HIRA: variants seen among roughly 807,000 people sequenced by gnomAD.
HIRA encodes the protein protein HIRA.
In HIRA, 13 loss-of-function variants were observed where a neutral mutation model predicts 126.6. The ratio of observed to expected loss-of-function variants is 0.10; its 90% CI spans 0.07 to 0.16. HIRA has a LOEUF of 0.16. HIRA is among the 10% of genes least tolerant of loss of function. The probability of loss-of-function intolerance (pLI) is 1.00; values close to 1 mark genes in which losing one functional copy is unlikely to be tolerated. For synonymous variants in HIRA, 511 were observed against 520.0 expected, an observed-to-expected ratio of 0.98 and a Z score of 0.24; for missense variants, 834 against 1,314.4, an observed-to-expected ratio of 0.63 and a Z score of 5.65.
At chr22:19,383,149 A>G (rs766901548) in intron 13 of HIRA, among the ~76,000 whole-genome samples, 2 of 152,034 alleles carry the variant, frequency 1.3e-5, no homozygotes, top group Non-Finnish European at 2.9e-5. Flanking sequence ...ACGAGTGGGG[A>G]AAAAAAAGAC....
intron 1 of HIRA, among the ~76,000 whole-genome samples, chr22:19,413,048 C>G (rs2089366445): frequency 6.6e-6 from 1 of 152,010 alleles, no homozygotes; most frequent in Non-Finnish European, 1.5e-5. Context: ...GGTTTTCAGG[C>G]TGAGGGGACG....
At chr22:19,402,985 C>CCTAGCTA (rs1327460658) in intron 5 of HIRA, among the ~76,000 whole-genome samples, 2 of 151,754 alleles carry the variant, frequency 1.3e-5, no homozygotes, top group Non-Finnish European at 2.9e-5. Flanking sequence ...CATCTGTAGT[C>CCTAGCTA]CTAGCTACTC....
At chr22:19,419,481 CTTTAA>C (rs2089426429) in intron 1 of HIRA, among the ~76,000 whole-genome samples, 1 of 152,174 alleles carries the variant, frequency 6.6e-6, no homozygotes, top group Non-Finnish European at 1.5e-5. Context: ...ACTCTAACAA[CTTTAA>C]TTTAAAGGAT....
At chr22:19,431,369 G>T in intron 1 of HIRA, 71 bp downstream of exon 1, 3 of 1,528,702 alleles carry the variant, frequency 2.0e-6, no homozygotes, top group Non-Finnish European at 9.0e-7. Context: ...GGACTTGCGC[G>T]CGCCCCGACT....
rs748483384 is a variant in HIRA at position 19,387,662 on chromosome 22, T to C, written c.1113+49A>G. ...AGTCAAAGGGGTCTCTCAGAGCTAT[T>C]GTGGCAATGGCCACAGAGCACCCAG... is the stretch of plus-strand genomic sequence containing the variant. On this transcript the variant is annotated intron_variant, in intron 11 of 24. Transcript: ENST00000263208. The C allele has an allele frequency of 5.0e-6, 7 of 1,406,092 alleles. No homozygotes were observed. The Admixed American group carries it at 6.9e-5, about 14-fold the overall frequency. The allele number at this position is 1,406,092 out of a possible 1,614,324, so 87.1% of individuals were successfully genotyped here.
At chr22:19,369,150 T>C (rs1185601464) in intron 15 of HIRA, among the ~76,000 whole-genome samples, 1 of 152,176 alleles carries the variant, frequency 6.6e-6, no homozygotes, top group African/African-American at 2.4e-5. Context: ...TGCTCAGGCC[T>C]ACTTGCCCTG....
chr22:19,419,373 C>A (rs1007371239), intron 1 of HIRA, among the ~76,000 whole-genome samples: 5 of 152,168 alleles, frequency 3.3e-5, no homozygotes, highest in Non-Finnish European at 7.3e-5. Flanking sequence ...TTCCTCTTTT[C>A]TTGGACTGTA....
chr22:19,414,275 A>C (rs535832003), intron 1 of HIRA, among the ~76,000 whole-genome samples: 1 of 152,210 alleles, frequency 6.6e-6, no homozygotes, highest in Non-Finnish European at 1.5e-5. Context: ...TAAAGAATAC[A>C]TTAAGGAAGC....
chr22:19,355,899 C>T, intron 20 of HIRA, 34 bp from the exon 21 acceptor site: 1 of 1,427,554 alleles, frequency 7.0e-7, no homozygotes, highest in Non-Finnish European at 9.9e-7. Context: ...TCTGGGTGTG[C>T]TCTGATCAGC....
At chr22:19,428,520 T>C (rs534419377) in intron 1 of HIRA, among the ~76,000 whole-genome samples, 3 of 152,186 alleles carry the variant, frequency 2.0e-5, no homozygotes, top group Non-Finnish European at 4.4e-5. Context: ...AAGACCAAAG[T>C]ACACCCACAT....
intron 12 of HIRA, among the ~76,000 whole-genome samples, chr22:19,384,819 A>AT (rs74705169): frequency 0.039 from 5,516 of 140,736 alleles, 141 homozygotes; most frequent in Non-Finnish European, 0.059. Context: ...ATACCCGGCT[A>AT]TTTTTTTTTT....
At chr22:19,420,668 T>A (rs753533727) in intron 1 of HIRA, among the ~76,000 whole-genome samples, 44 of 152,136 alleles carry the variant, frequency 2.9e-4, no homozygotes, top group Non-Finnish European at 1.0e-4. Flanking sequence ...TGAACTATGG[T>A]CATGCCACTG....
intron 9 of HIRA, among the ~76,000 whole-genome samples, chr22:19,389,806 T>TG (rs1471074394): frequency 5.3e-5 from 8 of 150,816 alleles, no homozygotes; most frequent in African/African-American, 2.0e-4. Context: ...TGAACGGCAA[T>TG]CTGTGGTACT....
At chr22:19,361,590 T>G in intron 16 of HIRA, 137 bp downstream of exon 16, 1 of 881,152 alleles carries the variant, frequency 1.1e-6, no homozygotes, top group Non-Finnish European at 1.8e-6. Context: ...CCATGCTACA[T>G]TCCAGGGGCT....
intron 3 of HIRA, among the ~76,000 whole-genome samples, 184 bp from the exon 4 acceptor site, chr22:19,407,458 A>G (rs1018571709): frequency 1.3e-5 from 2 of 152,234 alleles, no homozygotes; most frequent in African/African-American, 4.8e-5. Context: ...TGCTATAAAA[A>G]CAAATTACCA....
At chr22:19,425,355 T>C (rs2089480679) in intron 1 of HIRA, among the ~76,000 whole-genome samples, 1 of 152,352 alleles carries the variant, frequency 6.6e-6, no homozygotes, top group East Asian at 1.9e-4. Flanking sequence ...CTCTGGTTCA[T>C]GTGCTAGACA....
chr22:19,342,754 AC>A (rs1392259327), intron 24 of HIRA, among the ~76,000 whole-genome samples: 1 of 152,190 alleles, frequency 6.6e-6, no homozygotes, highest in East Asian at 1.9e-4. Flanking sequence ...CTGTGTATCT[AC>A]CCAGAGGAAA....
Position 19,377,946 on chromosome 22 carries a change from G to C in HIRA, c.1536C>G (p.Phe512Leu), listed in dbSNP as rs759228734. The C allele has an allele frequency of 6.2e-7, 1 of 1,613,960 alleles. No individual in the cohort carries two copies. Among genetic ancestry groups the C allele is most frequent in the Non-Finnish European group, 8.5e-7 (1 of 1,179,960 alleles). Reference sequence around the variant, plus strand: ...GCTCTGTGCAAGGCTTCGAGGCGCCGAAGGAGTTAGGGGTACTGGAGTCCA... The same window carrying C: ...GCTCTGTGCAAGGCTTCGAGGCGCCCAAGGAGTTAGGGGTACTGGAGTCCA... Reference protein sequence around the residue: ...LPLDSSTPNSFGASKPCTEPV... With the variant: ...LPLDSSTPNSLGASKPCTEPV... Residue 512 changes from phenylalanine to leucine, a missense_variant, in exon 14 of 25, where the codon TTC (phenylalanine) becomes TTG (leucine). Phe to Leu is a conservative substitution (Grantham distance 22). Around this residue, in one of 5 missense-constraint regions of HIRA, gnomAD observed 468 missense variants for 574.2 expected, o/e 0.82. Transcript: ENST00000263208.
intron 24 of HIRA, among the ~76,000 whole-genome samples, chr22:19,334,698 G>A (rs1426094862): frequency 6.6e-6 from 1 of 151,952 alleles, no homozygotes; most frequent in Non-Finnish European, 1.5e-5. Flanking sequence ...CTGGGATTAA[G>A]GCATGAACCA....
Sources: gnomAD v4.1 joint callset for allele counts (sites outside exome capture counted in the v4.1 genomes callset) on GRCh38, gnomAD v4.1.1 for gene constraint, gnomAD v4.1.1 regional missense constraint, MANE v1.5 for transcripts, NCBI Gene and HGNC (gene_info 2026-07-23, HGNC 2026-07-21) for gene names.